Variants in ARHGEF10L observed in about 807,000 individuals in gnomAD.
ARHGEF10L encodes the protein Rho guanine nucleotide exchange factor 10 like.
In ARHGEF10L, 69 loss-of-function variants were observed where a neutral mutation model predicts 141.2. The observed-to-expected ratio is 0.49, with a 90% CI of 0.40 to 0.60. The LOEUF (loss-of-function observed/expected upper bound fraction) is 0.60. Ranked by LOEUF, ARHGEF10L falls within the 20% of genes least tolerant of loss-of-function variation. The pLI is 0.00. For missense variants in ARHGEF10L, 1,482 were observed against 1,734.3 expected (o/e 0.85, Z 2.58); for synonymous variants, 711 against 718.5 (o/e 0.99, Z 0.17).
intron 18 of ARHGEF10L, among the ~76,000 whole-genome samples, chr1:17,636,211 G>C (rs919652062): frequency 6.6e-6 from 1 of 152,124 alleles, no homozygotes; most frequent in Non-Finnish European, 1.5e-5. Flanking sequence ...TCCCTCCTTC[G>C]GTGACAATGA....
At chr1:17,612,422 T>G (rs189607403) in intron 7 of ARHGEF10L, among the ~76,000 whole-genome samples, 31 of 152,312 alleles carry the variant, frequency 2.0e-4, no homozygotes, top group African/African-American at 7.0e-4. Context: ...ATTTATCCAT[T>G]TGCTCATCCA....
chr1:17,647,831 A>G (rs961044316), intron 21 of ARHGEF10L, among the ~76,000 whole-genome samples: 1 of 152,076 alleles, frequency 6.6e-6, no homozygotes, highest in Non-Finnish European at 1.5e-5. Flanking sequence ...GAGCCATGTA[A>G]AGGAGCCTCC....
At chr1:17,559,504 C>A (rs2077466578) in intron 1 of ARHGEF10L, among the ~76,000 whole-genome samples, 1 of 152,192 alleles carries the variant, frequency 6.6e-6, no homozygotes, top group Non-Finnish European at 1.5e-5. Flanking sequence ...CGACACCCCC[C>A]AGGGCCGCTG....
intron 19 of ARHGEF10L, 33 bp from the exon 20 acceptor site, chr1:17,638,529 G>A (rs1199165378): frequency 6.8e-6 from 11 of 1,613,774 alleles, no homozygotes; most frequent in East Asian, 2.2e-5. Context: ...CCAGTGTGCT[G>A]TGTGGTGACC....
intron 26 of ARHGEF10L, 122 bp from the exon 27 acceptor site, chr1:17,687,451 T>A: frequency 1.8e-6 from 2 of 1,104,158 alleles, no homozygotes; most frequent in African/African-American, 1.6e-5. Context: ...GGGCTTCTAA[T>A]GTTCCCTGAG....
the ARHGEF10L span, among the ~76,000 whole-genome samples, chr1:17,514,890 G>A: frequency 6.6e-6 from 1 of 152,140 alleles, no homozygotes; most frequent in Non-Finnish European, 1.5e-5. Context: ...CGGCCTCTGA[G>A]CCTCTCGTGC....
chr1:17,554,829 G>A (rs755641305), intron 1 of ARHGEF10L, among the ~76,000 whole-genome samples: 9 of 151,974 alleles, frequency 5.9e-5, no homozygotes, highest in African/African-American at 9.7e-5. Flanking sequence ...GCGTTCAAGC[G>A]GTCTTTCTGC....
intron 1 of ARHGEF10L, among the ~76,000 whole-genome samples, chr1:17,564,431 G>A (rs1393395523): frequency 6.6e-6 from 1 of 152,202 alleles, no homozygotes; most frequent in African/African-American, 2.4e-5. Flanking sequence ...TCCTCCTGAT[G>A]TGCTGTCCCA....
intron 21 of ARHGEF10L, among the ~76,000 whole-genome samples, chr1:17,645,076 G>A (rs1464518595): frequency 9.9e-5 from 15 of 152,166 alleles, no homozygotes; most frequent in Admixed American, 9.2e-4. Flanking sequence ...GCTGCTCCCT[G>A]TGTCCCATGG....
chr1:17,646,487 G>T (rs1447363168), intron 21 of ARHGEF10L, among the ~76,000 whole-genome samples: 1 of 152,176 alleles, frequency 6.6e-6, no homozygotes, highest in Non-Finnish European at 1.5e-5. Context: ...GGTTGGGTGA[G>T]GTGTAGAAGG....
At chr1:17,592,891 T>C (rs138532720) in intron 4 of ARHGEF10L, among the ~76,000 whole-genome samples, 1 of 152,300 alleles carries the variant, frequency 6.6e-6, no homozygotes, top group Non-Finnish European at 1.5e-5. Context: ...GGGAGGGTTA[T>C]GGGGACCAGG....
intron 1 of ARHGEF10L, among the ~76,000 whole-genome samples, chr1:17,565,238 T>A (rs538581747): frequency 6.6e-6 from 1 of 152,220 alleles, no homozygotes; most frequent in Non-Finnish European, 1.5e-5. Context: ...CCTGATTACC[T>A]CCCCAAAGCC....
intron 1 of ARHGEF10L, among the ~76,000 whole-genome samples, chr1:17,543,111 C>T (rs140472293): frequency 6.6e-4 from 100 of 152,304 alleles, no homozygotes; most frequent in Non-Finnish European, 1.3e-3. Flanking sequence ...TGGAGGGCAT[C>T]AGAGCCATTT....
At chr1:17,571,457 G>A (rs747413799) in intron 1 of ARHGEF10L, among the ~76,000 whole-genome samples, 26 of 152,186 alleles carry the variant, frequency 1.7e-4, no homozygotes, top group Non-Finnish European at 3.2e-4. Context: ...GTCTTGTAAA[G>A]GGGAGCAGAG....
chr1:17,690,328 A>C (rs74059624), intron 27 of ARHGEF10L, among the ~76,000 whole-genome samples: 4,014 of 152,296 alleles, frequency 0.026, 177 homozygotes, highest in African/African-American at 0.091. Context: ...TCAGAGCACC[A>C]GCTTCCCATC....
At chr1:17,636,664 C>T (rs1322124757) in intron 18 of ARHGEF10L, among the ~76,000 whole-genome samples, 2 of 152,108 alleles carry the variant, frequency 1.3e-5, no homozygotes, top group Non-Finnish European at 2.9e-5. Flanking sequence ...ATCCCAAGCT[C>T]GCCATGCTCT....
In ARHGEF10L at chr1:17,676,668, C is replaced by T. The variant is rs2063745819; in HGVS notation, c.3010-10905C>T. ...AAAGCTCCTATCACATCTGACCCTG[C>T]ATCAGAACTATCCAGGTTGCCTGTG... On this transcript the variant is annotated intron_variant, in intron 26 of 28. Transcript: ENST00000361221. Among the ~76,000 whole-genome samples, 3 of 151,988 alleles carry T rather than the reference C, an allele frequency of 2.0e-5. No individual in the cohort carries two copies. The South Asian group carries it at 6.2e-4, about 31-fold the overall frequency.
At chr1:17,614,202 C>T (rs1399613402) in intron 8 of ARHGEF10L, among the ~76,000 whole-genome samples, 2 of 151,700 alleles carry the variant, frequency 1.3e-5, no homozygotes, top group Admixed American at 6.5e-5. Flanking sequence ...AATGTGAAGC[C>T]TTCCAGGAGG....
chr1:17,576,993 A>G (rs1405862495), intron 1 of ARHGEF10L, among the ~76,000 whole-genome samples: 1 of 152,252 alleles, frequency 6.6e-6, no homozygotes, highest in African/African-American at 2.4e-5. Flanking sequence ...TGGTTCTGAC[A>G]TGCCATGCTT....
Sources: gnomAD v4.1 joint callset for allele counts (sites outside exome capture counted in the v4.1 genomes callset) on GRCh38, gnomAD v4.1.1 for gene constraint, MANE v1.5 for transcripts, NCBI Gene and HGNC (gene_info 2026-07-23, HGNC 2026-07-21) for gene names.